Variants in PTPRT observed in about 807,000 individuals in gnomAD.
PTPRT encodes the protein receptor-type tyrosine-protein phosphatase T.
Under a neutral mutation model 176.8 loss-of-function variants are expected in PTPRT, and 56 were observed. The observed-to-expected ratio is 0.32, with a 90% CI of 0.26 to 0.40. The LOEUF (loss-of-function observed/expected upper bound fraction) is 0.40. PTPRT is among the 10% of genes least tolerant of loss of function. PTPRT has a pLI of 1.00. For synonymous variants in PTPRT, 783 were observed against 739.0 expected (o/e 1.06, Z -0.96); for missense variants, 1,540 against 1,908.2 (o/e 0.81, Z 3.60).
intron 2 of PTPRT, among the ~76,000 whole-genome samples, chr20:42,852,340 T>G (rs2078487803): frequency 6.6e-6 from 1 of 152,208 alleles, no homozygotes; most frequent in Non-Finnish European, 1.5e-5. Flanking sequence ...ATGTTGTTCC[T>G]GCATTTTTTT....
At chr20:42,849,712 G>A (rs561746636) in intron 2 of PTPRT, among the ~76,000 whole-genome samples, 2 of 152,280 alleles carry the variant, frequency 1.3e-5, no homozygotes, top group Non-Finnish European at 2.9e-5. Context: ...ATCTTTCAGA[G>A]AATAATCTCT....
intron 7 of PTPRT, among the ~76,000 whole-genome samples, chr20:42,639,616 A>G (rs942920591): frequency 1.1e-4 from 17 of 152,104 alleles, no homozygotes; most frequent in African/African-American, 3.1e-4. Flanking sequence ...AACTTTCCCT[A>G]AAGTCTCCTC....
At chr20:42,911,518 T>C (rs1978376732) in intron 1 of PTPRT, among the ~76,000 whole-genome samples, 1 of 152,174 alleles carries the variant, frequency 6.6e-6, no homozygotes, top group East Asian at 1.9e-4. Context: ...TTTGACAGCA[T>C]TGCATTTTTT....
chr20:42,218,967 C>T (rs931252521), intron 15 of PTPRT, among the ~76,000 whole-genome samples: 1 of 152,168 alleles, frequency 6.6e-6, no homozygotes, highest in Non-Finnish European at 1.5e-5. Flanking sequence ...AGACAGACGG[C>T]GTTTGCAATG....
intron 6 of PTPRT, among the ~76,000 whole-genome samples, chr20:42,716,523 G>A (rs958879009): frequency 6.6e-6 from 1 of 152,060 alleles, no homozygotes; most frequent in Non-Finnish European, 1.5e-5. Context: ...ATTTTTTCAT[G>A]TGTCTTTTGG....
chr20:42,851,379 C>T (rs1036518122), intron 2 of PTPRT, among the ~76,000 whole-genome samples: 1 of 152,148 alleles, frequency 6.6e-6, no homozygotes, highest in Non-Finnish European at 1.5e-5. Flanking sequence ...TTATTCTTAA[C>T]TTTATTAACT....
At chr20:42,867,870 C>T (rs545767674) in intron 2 of PTPRT, among the ~76,000 whole-genome samples, 9 of 151,796 alleles carry the variant, frequency 5.9e-5, no homozygotes, top group East Asian at 1.9e-4. Flanking sequence ...TCAGTAGAGA[C>T]GAGTTTTCAC....
chr20:42,064,473 T>G, the PTPRT span, among the ~76,000 whole-genome samples: 1 of 152,182 alleles, frequency 6.6e-6, no homozygotes, highest in Non-Finnish European at 1.5e-5. Flanking sequence ...AGTCCATTCC[T>G]GGGCTTCCTG....
At chr20:42,062,099 A>C in the PTPRT span, among the ~76,000 whole-genome samples, 2 of 152,152 alleles carry the variant, frequency 1.3e-5, no homozygotes, top group African/African-American at 2.4e-5. Context: ...AGGGTACACT[A>C]TCCAGCCCCC....
Position 43,132,009 on chromosome 20 carries a change from T to TAC in PTPRT, c.88+57635_88+57636dup, listed in dbSNP as rs537036668. Among the ~76,000 whole-genome samples the TAC allele has an allele frequency of 1.1e-3, 160 of 150,610 alleles. 1 individual carries two copies. The highest frequency in any genetic ancestry group is 0.01 in the Middle Eastern group (3 of 294). ...CTCTTGCTTAACTCAATGAAAAATT[T>TAC]ACACACACACACACACACAGTCACA... On this transcript the variant is annotated intron_variant, in intron 1 of 30. Coordinates refer to ENST00000373187, the MANE Select transcript of PTPRT (RefSeq NM_007050.6).
intron 1 of PTPRT, among the ~76,000 whole-genome samples, chr20:43,062,623 G>A (rs557446399): frequency 6.6e-6 from 1 of 152,256 alleles, no homozygotes; most frequent in South Asian, 2.1e-4. Context: ...TATGCTAGAA[G>A]AATAATCAAG....
At chr20:42,065,974 G>A in the PTPRT span, among the ~76,000 whole-genome samples, 3 of 151,288 alleles carry the variant, frequency 2.0e-5, no homozygotes, top group Non-Finnish European at 2.9e-5. Flanking sequence ...TTACTGTTAG[G>A]CTTCCTCATA....
At chr20:43,161,128 CTG>C (rs2014684012) in intron 1 of PTPRT, among the ~76,000 whole-genome samples, 1 of 152,162 alleles carries the variant, frequency 6.6e-6, no homozygotes, top group Non-Finnish European at 1.5e-5. Context: ...GGCCAGCTGT[CTG>C]TTTTTGTAAA....
At chr20:42,129,249 A>AC (rs1988012513) in intron 18 of PTPRT, among the ~76,000 whole-genome samples, 1 of 152,226 alleles carries the variant, frequency 6.6e-6, no homozygotes, top group Non-Finnish European at 1.5e-5. Context: ...CCTATCTTCC[A>AC]CACATGCACA....
chr20:42,815,768 C>A, intron 2 of PTPRT, among the ~76,000 whole-genome samples: 1 of 152,084 alleles, frequency 6.6e-6, no homozygotes, highest in East Asian at 1.9e-4. Context: ...TTCTCATCAA[C>A]CACTTTGGAT....
chr20:42,370,472 G>A (rs938415597), intron 9 of PTPRT, among the ~76,000 whole-genome samples: 5 of 152,132 alleles, frequency 3.3e-5, no homozygotes, highest in African/African-American at 9.7e-5. Flanking sequence ...CTCAAGAACG[G>A]TAGGAGCCCT....
At chr20:42,804,642 G>C (rs2077578818) in intron 2 of PTPRT, among the ~76,000 whole-genome samples, 1 of 152,236 alleles carries the variant, frequency 6.6e-6, no homozygotes, top group Non-Finnish European at 1.5e-5. Context: ...CACAGTCCTG[G>C]AGGCTGAAAG....
At chr20:42,604,095 G>A (rs1305517274) in intron 7 of PTPRT, among the ~76,000 whole-genome samples, 1 of 152,166 alleles carries the variant, frequency 6.6e-6, no homozygotes, top group African/African-American at 2.4e-5. Context: ...CAGTGTCTTG[G>A]CACATGCGGA....
chr20:42,422,872 G>A (rs994564710), intron 9 of PTPRT, among the ~76,000 whole-genome samples: 2 of 152,188 alleles, frequency 1.3e-5, no homozygotes, highest in Non-Finnish European at 2.9e-5. Flanking sequence ...CCATAAAAAG[G>A]AATGAGATCA....
Sources: allele counts gnomAD v4.1 joint callset (sites outside exome capture counted in the v4.1 genomes callset), GRCh38; gene constraint gnomAD v4.1.1; transcripts MANE v1.5; gene names NCBI Gene and HGNC (gene_info 2026-07-23, HGNC 2026-07-21).